IP6K3: variants seen among roughly 807,000 people sequenced by gnomAD.
IP6K3 encodes ATP:1D-myo-inositol-hexakisphosphate phosphotransferase.
Under a neutral mutation model 28.8 loss-of-function variants are expected in IP6K3, and 20 were observed. The observed-to-expected ratio is 0.70, with a 90% CI of 0.49 to 1.01. IP6K3 has a LOEUF of 1.01. IP6K3 is among the 50% of genes least tolerant of loss of function. The pLI is 0.00. For synonymous variants in IP6K3, 213 were observed against 221.3 expected (o/e 0.96, Z 0.33); for missense variants, 480 against 537.1 (o/e 0.89, Z 1.05).
At chr6:33,727,023 C>G in intron 3 of IP6K3, 117 bp from the exon 4 acceptor site, 6 of 1,089,974 alleles carry the variant, frequency 5.5e-6, no homozygotes, top group Non-Finnish European at 6.4e-6. Context: ...AGCTGCTCTC[C>G]AGGGCAGCCC....
intron 2 of IP6K3, among the ~76,000 whole-genome samples, chr6:33,734,289 G>T (rs1009254646): frequency 6.6e-6 from 1 of 152,034 alleles, no homozygotes; most frequent in African/African-American, 2.4e-5. Flanking sequence ...GGCATGGGGC[G>T]TGGGGACCTG....
chr6:33,757,003 A>G, the IP6K3 span, among the ~76,000 whole-genome samples: 1 of 152,246 alleles, frequency 6.6e-6, no homozygotes, highest in Non-Finnish European at 1.5e-5. Flanking sequence ...CCTGGTCTTC[A>G]CTGCACTGCT....
At chr6:33,761,473 C>T in the IP6K3 span, among the ~76,000 whole-genome samples, 1 of 152,140 alleles carries the variant, frequency 6.6e-6, no homozygotes, top group Non-Finnish European at 1.5e-5. Context: ...GAGACAGTGC[C>T]AGCTCTTACC....
intron 2 of IP6K3, among the ~76,000 whole-genome samples, chr6:33,730,167 A>G (rs1378455721): frequency 6.6e-6 from 1 of 152,178 alleles, no homozygotes; most frequent in Non-Finnish European, 1.5e-5. Context: ...TTCTCAGAGT[A>G]AGTGGCAATT....
intron 2 of IP6K3, among the ~76,000 whole-genome samples, chr6:33,733,454 C>A (rs946640205): frequency 7.9e-5 from 12 of 152,268 alleles, no homozygotes; most frequent in African/African-American, 2.9e-4. Flanking sequence ...CTCCTGAAGG[C>A]CAGGCCAGCC....
chr6:33,755,421 G>C, the IP6K3 span, among the ~76,000 whole-genome samples: 1 of 152,264 alleles, frequency 6.6e-6, no homozygotes, highest in African/African-American at 2.4e-5. Flanking sequence ...GCCTCGAGCA[G>C]ATGGAGAGTG....
Position 33,742,534 on chromosome 6 carries a change from G to T in IP6K3, c.-180+4224C>A, listed in dbSNP as rs887243841. Among the ~76,000 whole-genome samples the T allele has an allele frequency of 2.0e-5, 3 of 152,102 alleles. No homozygotes were observed. The highest frequency in any genetic ancestry group is 4.8e-5 in the African/African-American group (2 of 41,404). On this transcript the variant is annotated intron_variant, in intron 1 of 5. Transcript: ENST00000293756. This position sits in a 1 kb window ranked among gnomAD's most constrained non-coding sequence, Gnocchi z 4.5. ...TGGATTCTTAGGGCCCTGGGTGAGG[G>T]CTCCCACCCGGGGGGCCTGCCAAGA...
At chr6:33,756,227 G>A in the IP6K3 span, among the ~76,000 whole-genome samples, 84,211 of 152,084 alleles carry the variant, frequency 0.55, 24,997 homozygotes, top group East Asian at 0.88. Flanking sequence ...GAAAAAAAAT[G>A]CAGTGAATTA....
rs189342982 is a variant in IP6K3, at chr6:33,738,194, G to T, written c.-179-2539C>A. Among the ~76,000 whole-genome samples the T allele has an allele frequency of 2.0e-5, 3 of 152,178 alleles. No homozygotes were observed. The East Asian group carries it at 5.9e-4, about 30-fold the overall frequency. ...CTTTTGGTGACCACAGGGACATCTA[G>T]TCTGTAAAGTTCATTTATAGCCACT... On this transcript the variant is annotated intron_variant, in intron 1 of 5. Coordinates refer to ENST00000293756, the MANE Select transcript of IP6K3 (RefSeq NM_054111.5).
At chr6:33,741,109 TC>T (rs1365856316) in intron 1 of IP6K3, among the ~76,000 whole-genome samples, 2 of 152,104 alleles carry the variant, frequency 1.3e-5, no homozygotes. Flanking sequence ...CAAGAGATGT[TC>T]CCCCCATTCT....
chr6:33,736,578 T>C (rs1026341538), intron 1 of IP6K3, among the ~76,000 whole-genome samples: 1 of 152,150 alleles, frequency 6.6e-6, no homozygotes, highest in Non-Finnish European at 1.5e-5. Context: ...CTAATTTTTG[T>C]ATTTTTTAGT....
chr6:33,745,741 T>A (rs1766883687), intron 1 of IP6K3, among the ~76,000 whole-genome samples: 2 of 152,094 alleles, frequency 1.3e-5, no homozygotes, highest in African/African-American at 4.8e-5. Context: ...AGTTGTTCAT[T>A]TGTTAGTGGA....
rs143322062 is a variant in IP6K3 at position 33,737,403 on chromosome 6, G to A, written c.-179-1748C>T. Among the ~76,000 whole-genome samples, 876 of 152,218 alleles carry A rather than the reference G, an allele frequency of 5.8e-3. 5 individuals are homozygous for A. The highest frequency in any genetic ancestry group is 8.4e-3 in the Non-Finnish European group (570 of 68,008). ...TGTCACCACCGAGTTATTAATACTC[G>A]CTCCCTCTGCTGGACTCCTGGTCAT... On this transcript the variant is annotated intron_variant, in intron 1 of 5. Transcript: ENST00000293756.
At chr6:33,759,660 G>C in the IP6K3 span, among the ~76,000 whole-genome samples, 3 of 152,140 alleles carry the variant, frequency 2.0e-5, no homozygotes, top group South Asian at 2.1e-4. Flanking sequence ...TCAGGAGATC[G>C]AGACCATCCT....
In IP6K3 at chr6:33,742,712, G is replaced by A. The variant is rs1018710185; in HGVS notation, c.-180+4046C>T. ...TGAATTCCTAGTAGTTTTTGTCATC[G>A]TCTATTTTTCTCAATCAACAGATCC... On this transcript the variant is annotated intron_variant, in intron 1 of 5. Transcript: ENST00000293756. This position sits in a 1 kb window ranked among gnomAD's most constrained non-coding sequence, Gnocchi z 4.5. Among the ~76,000 whole-genome samples, 4 of 152,138 alleles carry A rather than the reference G, an allele frequency of 2.6e-5. No homozygotes were observed. The highest frequency in any genetic ancestry group is 1.9e-4 in the East Asian group (1 of 5,186).
Position 33,723,010 on chromosome 6 carries a change from T to C in IP6K3, c.943A>G (p.Ser315Gly), listed in dbSNP as rs1401164925. The change falls in exon 6 of 6, where the codon AGC (serine) becomes GGC (glycine). Residue 315 changes from serine (S) to glycine (G), a missense_variant. By Grantham distance (56) the Ser-to-Gly change is moderately conservative. Coordinates refer to ENST00000293756, the MANE Select transcript of IP6K3 (RefSeq NM_054111.5). The part of the protein sequence containing the change: ...QLRALLSVIR[S>G]QSSYRFYSSS... ...GAATAGAAGCGGTATGAACTCTGGCTCCTAATGACAGAGAGGAGGGCCCGG... is the reference window on the plus strand; with the variant it reads ...GAATAGAAGCGGTATGAACTCTGGCCCCTAATGACAGAGAGGAGGGCCCGG... 3 of 1,613,878 alleles carry C rather than the reference T, an allele frequency of 1.9e-6. No homozygotes were observed.
At chr6:33,743,153 A>G (rs1415773569) in intron 1 of IP6K3, among the ~76,000 whole-genome samples, 1 of 152,210 alleles carries the variant, frequency 6.6e-6, no homozygotes, top group Non-Finnish European at 1.5e-5. Context: ...AGCTCAGTGC[A>G]GGGAGGTGGC....
At chr6:33,759,625 A>C in the IP6K3 span, among the ~76,000 whole-genome samples, 6 of 152,216 alleles carry the variant, frequency 3.9e-5, no homozygotes, top group Non-Finnish European at 7.3e-5. Context: ...GCACTTTGGA[A>C]GGCCAAGGCA....
chr6:33,753,310 G>T, the IP6K3 span, among the ~76,000 whole-genome samples: 4,306 of 152,310 alleles, frequency 0.028, 136 homozygotes, highest in African/African-American at 0.074. Flanking sequence ...TCTTGACATG[G>T]TTATGTCGTG....
Sources: gnomAD v4.1 joint callset for allele counts (sites outside exome capture counted in the v4.1 genomes callset) on GRCh38, gnomAD v4.1.1 for gene constraint, Gnocchi (gnomAD v3.1) non-coding constraint, MANE v1.5 for transcripts, NCBI Gene and HGNC (gene_info 2026-07-23, HGNC 2026-07-21) for gene names.